Variants in ATP6AP2 observed in about 807,000 individuals in gnomAD.
ATP6AP2 encodes the protein ATPase H+ transporting accessory protein 2.
Under a neutral mutation model 23.4 loss-of-function variants are expected in ATP6AP2, and 1 was observed. That is an observed-to-expected ratio of 0.04 (90% CI 0.02 to 0.20). The LOEUF (loss-of-function observed/expected upper bound fraction) is 0.20. Ranked by LOEUF, ATP6AP2 falls within the 10% of genes least tolerant of loss-of-function variation. The probability of loss-of-function intolerance (pLI) is 1.00; values close to 1 mark genes in which losing one functional copy is unlikely to be tolerated. For synonymous variants in ATP6AP2, 90 were observed against 97.1 expected (o/e 0.93, Z 0.43); for missense variants, 174 against 271.3 (o/e 0.64, Z 2.52).
rs184634552 is a variant in ATP6AP2 at position 40,597,585 on chromosome X, G to A, written c.455G>A (p.Arg152His). 21 of 1,207,997 alleles carry A rather than the reference G, an allele frequency of 1.7e-5. No individual in the cohort carries two copies. The East Asian group carries it at 1.8e-4, about 10-fold the overall frequency. The change falls in exon 5 of 9, where the codon CGC becomes CAC. Residue 152 changes from arginine to histidine, a missense_variant. By Grantham distance (29) the Arg-to-His change is conservative. Coordinates refer to ENST00000636580, the MANE Select transcript of ATP6AP2 (RefSeq NM_005765.3). ...TTTGAAGACCTTTCAGTCACCTTGCGCCAGCTCCGTAATCGCCTGTTTCAA... is the reference window on the plus strand; with the variant it reads ...TTTGAAGACCTTTCAGTCACCTTGCACCAGCTCCGTAATCGCCTGTTTCAA... ...SVFEDLSVTL[R>H]QLRNRLFQEN...
At chrX:40,603,225 T>C (rs933338897) in intron 8 of ATP6AP2, 36 of 109,733 alleles carry the variant, frequency 3.3e-4, no homozygotes, top group African/African-American at 1.2e-3. Flanking sequence ...TAAGCTACCA[T>C]GCCCGGCCTA....
At chrX:40,582,997 A>G (rs187419740) in intron 1 of ATP6AP2, among the ~76,000 whole-genome samples, 2 of 112,316 alleles carry the variant, frequency 1.8e-5, no homozygotes, top group East Asian at 5.6e-4. Flanking sequence ...ATGTAGTGGA[A>G]AACATCTTTA....
At position 40,583,251 on chromosome X, in the gene ATP6AP2, T is replaced by C. The variant is rs192318368; in HGVS notation, c.37+2149T>C. Among the ~76,000 whole-genome samples the C allele has an allele frequency of 9.8e-3, 1,097 of 111,502 alleles. 13 individuals carry two copies. The highest frequency in any genetic ancestry group is 0.034 in the African/African-American group (1,045 of 30,620). ...GAGGGAGATAGGATCCATTTTTTTA[T>C]TATTATTGATTCCATCCACCATTCG... is the stretch of plus-strand genomic sequence containing the variant. On this transcript the variant is annotated intron_variant, in intron 1 of 8. Coordinates refer to ENST00000636580, the MANE Select transcript of ATP6AP2 (RefSeq NM_005765.3).
At chrX:40,588,031 G>A (rs772872293) in intron 1 of ATP6AP2, among the ~76,000 whole-genome samples, 1 of 112,767 alleles carries the variant, frequency 8.9e-6, no homozygotes, top group African/African-American at 3.2e-5. Flanking sequence ...GGGTGCTCAG[G>A]ATTTGGAGAA....
intron 8 of ATP6AP2, among the ~76,000 whole-genome samples, chrX:40,602,325 C>T (rs1926937532): frequency 1.0e-5 from 1 of 96,998 alleles, no homozygotes; most frequent in South Asian, 4.1e-4. Context: ...TAGTTCAGCT[C>T]GCAAGAAAGG....
intron 8 of ATP6AP2, among the ~76,000 whole-genome samples, chrX:40,602,981 T>G (rs1350001552): frequency 2.1e-5 from 2 of 96,779 alleles, no homozygotes; most frequent in Admixed American, 2.4e-4. Flanking sequence ...TCACCCAGAC[T>G]GGAGTGCAGT....
At chrX:40,589,709 T>C (rs1455816430) in intron 2 of ATP6AP2, 1 of 112,784 alleles carries the variant, frequency 8.9e-6, no homozygotes, top group East Asian at 2.8e-4. Flanking sequence ...GTTGTAGTAA[T>C]TGGCTGCTTA....
At chrX:40,581,153 G>T in intron 1 of ATP6AP2, 51 bp downstream of exon 1, 1 of 1,076,381 alleles carries the variant, frequency 9.3e-7, no homozygotes, top group Middle Eastern at 3.6e-4. Context: ...CTGCGCCGCG[G>T]GGCTTGGGGG....
Position 40,597,313 on chromosome X carries a change from CTGT to C in ATP6AP2, c.370_372del (p.Val124del). 8.3e-7 allele frequency: 1 copy of C among 1,206,914 alleles called. No homozygotes were observed. Among genetic ancestry groups the C allele is most frequent in the Non-Finnish European group, 1.1e-6 (1 of 891,151 alleles). Reference sequence around the variant, plus strand: ...CACTCCTTATTTTCTGAGGAAACTCCTGTTGTTTTGCAGTTGGCTCCCAGTGAG... The same window carrying C: ...CACTCCTTATTTTCTGAGGAAACTCCTGTTTTGCAGTTGGCTCCCAGTGAG... On this transcript the variant is annotated inframe_deletion, in exon 4 of 9. Transcript: ENST00000636580.
intron 3 of ATP6AP2, chrX:40,591,586 T>A (rs1926630580): frequency 7.4e-6 from 3 of 403,538 alleles, no homozygotes; most frequent in Non-Finnish European, 8.4e-6. Context: ...CTGTTTAAGA[T>A]AAGAGATAGA....
rs1266931354 is a variant in ATP6AP2 at position 40,600,860 on chromosome X, T to TATC, written c.838_840dup (p.Ile280dup). ...CCTCCCTCATTAGGAAGACAAGGAC[T>TATC]ATCCTTGAGGCAAAACAAGCGGTGA... On this transcript the variant is annotated inframe_insertion, in exon 8 of 9. Coordinates refer to ENST00000636580, the MANE Select transcript of ATP6AP2 (RefSeq NM_005765.3). The TATC allele has an allele frequency of 8.3e-7, 1 of 1,208,705 alleles. No individual in the cohort carries two copies. Among genetic ancestry groups the TATC allele is most frequent in the African/African-American group, 1.7e-5 (1 of 57,469 alleles).
At chrX:40,595,409 A>T (rs932135355) in intron 3 of ATP6AP2, among the ~76,000 whole-genome samples, 1 of 112,529 alleles carries the variant, frequency 8.9e-6, no homozygotes, top group Non-Finnish European at 1.9e-5. Context: ...AAATTTGAGG[A>T]CAGATATGCA....
intron 1 of ATP6AP2, among the ~76,000 whole-genome samples, chrX:40,581,808 C>T (rs752118067): frequency 1.4e-4 from 16 of 111,516 alleles, no homozygotes; most frequent in Non-Finnish European, 2.6e-4. Flanking sequence ...TCAGCTAATA[C>T]GTGGCCTCTT....
intron 1 of ATP6AP2, among the ~76,000 whole-genome samples, chrX:40,583,106 G>A (rs113496360): frequency 0.026 from 2,960 of 112,140 alleles, 53 homozygotes; most frequent in Admixed American, 0.07. Context: ...AGAGAGAGAG[G>A]AAGGGAACTA....
intron 1 of ATP6AP2, among the ~76,000 whole-genome samples, chrX:40,587,249 G>A (rs886145857): frequency 8.9e-6 from 1 of 112,472 alleles, no homozygotes; most frequent in Admixed American, 9.4e-5. Context: ...CAGCCTAGGC[G>A]ACAGTGTGAG....
chrX:40,602,060 A>AAT (rs1393411257), intron 8 of ATP6AP2, among the ~76,000 whole-genome samples: 2 of 85,810 alleles, frequency 2.3e-5, no homozygotes, highest in Admixed American at 2.8e-4. Context: ...GGCGGGCGGA[A>AAT]CACCTGAGGC....
chrX:40,599,456 C>T (rs1926849399), intron 6 of ATP6AP2, 136 bp from the exon 7 acceptor site: 2 of 731,811 alleles, frequency 2.7e-6, no homozygotes, highest in Non-Finnish European at 2.1e-6. Context: ...CCATTTTAGA[C>T]TATTTGCATG....
intron 8 of ATP6AP2, among the ~76,000 whole-genome samples, chrX:40,601,875 T>C (rs1314610859): frequency 8.9e-6 from 1 of 112,337 alleles, no homozygotes; most frequent in African/African-American, 3.2e-5. Flanking sequence ...CTAAATTAAA[T>C]TGGGGATGGA....
At position 40,595,012 on chromosome X, in the gene ATP6AP2, A is replaced by C. The variant is rs191933636; in HGVS notation, c.301-2237A>C. ...GAAGGAAGGGAACAATACAGATCAA[A>C]AGGCAGATTATTTCACAGGGAGCAT... On this transcript the variant is annotated intron_variant, in intron 3 of 8. Transcript: ENST00000636580. 2.7e-3 allele frequency among the ~76,000 whole-genome samples: 301 copies of C among 112,396 alleles called. 1 individual carries two copies. Among genetic ancestry groups the C allele is most frequent in the Non-Finnish European group, 4.5e-3 (240 of 53,291 alleles).
Sources: gnomAD v4.1 joint callset for allele counts (sites outside exome capture counted in the v4.1 genomes callset) on GRCh38, gnomAD v4.1.1 for gene constraint, MANE v1.5 for transcripts, NCBI Gene and HGNC (gene_info 2026-07-23, HGNC 2026-07-21) for gene names.